The following CERKL variants were observed in gnomAD, a reference collection of about 807,000 sequenced individuals.
CERKL encodes the protein CERK like autophagy regulator.
In CERKL, 61 loss-of-function variants were observed where a neutral mutation model predicts 63.4. The ratio of observed to expected loss-of-function variants is 0.96; its 90% CI spans 0.78 to 1.19. CERKL has a LOEUF of 1.19. Among genes scored for constraint, CERKL ranks in the 50% most tolerant of loss-of-function variants. The pLI is 0.00. For synonymous variants in CERKL, 250 were observed against 230.5 expected (o/e 1.08, Z -0.77); for missense variants, 675 against 655.5 (o/e 1.03, Z -0.33).
intron 1 of CERKL, among the ~76,000 whole-genome samples, chr2:181,635,327 A>G (rs1381890019): frequency 1.3e-5 from 2 of 152,182 alleles, no homozygotes; most frequent in African/African-American, 4.8e-5. Context: ...AAAATGCTAA[A>G]TTTAAAAAAT....
At chr2:181,639,191 C>T (rs1222549502) in intron 1 of CERKL, among the ~76,000 whole-genome samples, 1 of 152,008 alleles carries the variant, frequency 6.6e-6, no homozygotes, top group Non-Finnish European at 1.5e-5. Flanking sequence ...TCTTTATCTC[C>T]TAGAGATACA....
chr2:181,564,432 T>C (rs965920335), intron 4 of CERKL, among the ~76,000 whole-genome samples: 11 of 152,230 alleles, frequency 7.2e-5, no homozygotes, highest in Admixed American at 3.9e-4. Context: ...GTTTATAAAA[T>C]ATAATAACTG....
At position 181,614,045 on chromosome 2, in the gene CERKL, G is replaced by T. The variant is rs1229592545; in HGVS notation, c.239-9966C>A. On this transcript the variant is annotated intron_variant, in intron 1 of 12. Coordinates refer to ENST00000410087, the MANE Select transcript of CERKL (RefSeq NM_201548.5). ...CTAAATATTGTTTAATGAGTTATCA[G>T]ATTAGATGGTGCTTTGCTATGTCTT... Among the ~76,000 whole-genome samples the T allele has an allele frequency of 2.0e-5, 3 of 152,304 alleles. No individual in the cohort carries two copies. The East Asian group carries it at 5.8e-4, about 29-fold the overall frequency.
At position 181,537,259 on chromosome 2, in the gene CERKL, T is replaced by C. The variant is rs923883479; in HGVS notation, c.*925A>G. On this transcript the variant is annotated 3_prime_UTR_variant, in exon 13 of 13. Transcript: ENST00000410087. ...TCTAAGGAAATTTACATTTGGTTCT[T>C]TCCTACTCAGAACTACTCAGAAACA... 1.3e-5 allele frequency: 6 copies of C among 453,768 alleles called. No homozygotes were observed. The highest frequency in any genetic ancestry group is 1.2e-4 in the African/African-American group (6 of 49,982). The allele number at this position is 453,768 out of a possible 1,614,324, so 28.1% of individuals were successfully genotyped here.
intron 2 of CERKL, among the ~76,000 whole-genome samples, chr2:181,590,398 C>T (rs1190196680): frequency 6.6e-6 from 1 of 151,864 alleles, no homozygotes; most frequent in Non-Finnish European, 1.5e-5. Flanking sequence ...CCTCAGCCTT[C>T]CAAAGTGCTG....
At chr2:181,557,268 G>T (rs1161693177) in intron 5 of CERKL, among the ~76,000 whole-genome samples, 1 of 152,056 alleles carries the variant, frequency 6.6e-6, no homozygotes, top group Non-Finnish European at 1.5e-5. Context: ...GTCAATTTTG[G>T]CTTTTGTTGC....
intron 1 of CERKL, among the ~76,000 whole-genome samples, chr2:181,635,194 T>C (rs1687120134): frequency 6.6e-6 from 1 of 152,046 alleles, no homozygotes; most frequent in Non-Finnish European, 1.5e-5. Context: ...AGCTCACCCA[T>C]GAGATATTTC....
chr2:181,650,569 A>T (rs769102646), intron 1 of CERKL, among the ~76,000 whole-genome samples: 6 of 151,908 alleles, frequency 3.9e-5, no homozygotes, highest in Non-Finnish European at 8.8e-5. Context: ...GACCAGCCTG[A>T]CCAACATGGA....
chr2:181,583,438 C>T (rs977410441), intron 2 of CERKL, among the ~76,000 whole-genome samples: 3 of 152,152 alleles, frequency 2.0e-5, no homozygotes, highest in African/African-American at 4.8e-5. Flanking sequence ...AGCACTAGAA[C>T]TTATGAAGTA....
intron 6 of CERKL, 106 bp downstream of exon 6, chr2:181,549,528 G>C: frequency 1.1e-6 from 1 of 896,652 alleles, no homozygotes; most frequent in Non-Finnish European, 1.9e-6. Context: ...TACTCTAAGA[G>C]ACAAAGAACC....
chr2:181,619,612 C>T (rs1686361286), intron 1 of CERKL, among the ~76,000 whole-genome samples: 1 of 152,208 alleles, frequency 6.6e-6, no homozygotes, highest in African/African-American at 2.4e-5. Context: ...ATCCCTTAAT[C>T]ACACTGTATA....
At chr2:181,636,058 AG>A (rs1416648749) in intron 1 of CERKL, among the ~76,000 whole-genome samples, 2 of 152,214 alleles carry the variant, frequency 1.3e-5, no homozygotes, top group Admixed American at 6.5e-5. Flanking sequence ...TAGGCTTAAA[AG>A]GGTTCAACTT....
At position 181,537,150 on chromosome 2, in the gene CERKL, G is replaced by T; in HGVS notation, c.*1034C>A. ...AAAAAACTTTGTATCGTTATAAAAA[G>T]GCTAGTCATTCTTTCAGGAGAACAT... On this transcript the variant is annotated 3_prime_UTR_variant, in exon 13 of 13. Transcript: ENST00000410087. 2.2e-6 allele frequency: 1 copy of T among 453,816 alleles called. No homozygotes were observed. 28.1% of individuals were successfully genotyped at this position (453,816 alleles called of 1,614,324 possible).
intron 11 of CERKL, 22 bp from the exon 12 acceptor site, chr2:181,539,286 C>A: frequency 6.8e-7 from 1 of 1,477,184 alleles, no homozygotes; most frequent in South Asian, 1.1e-5. Context: ...TACAAATAAT[C>A]ATTATACTTG....
chr2:181,629,305 G>A (rs1559113964), intron 1 of CERKL, among the ~76,000 whole-genome samples: 2 of 152,252 alleles, frequency 1.3e-5, no homozygotes, highest in East Asian at 1.9e-4. Flanking sequence ...TTCCTCTCAG[G>A]AACACAGTGG....
rs959468111 is a variant in CERKL, at chr2:181,637,453, A to C, written c.238+19316T>G. ...TTTTGATGCTGATGTAAAGCGCTAC[A>C]GAGTGAACTTCTGGGCATATTGCTA... On this transcript the variant is annotated intron_variant, in intron 1 of 12. Coordinates refer to ENST00000410087, the MANE Select transcript of CERKL (RefSeq NM_201548.5). 2.6e-5 allele frequency among the ~76,000 whole-genome samples: 4 copies of C among 152,356 alleles called. No homozygotes were observed. The South Asian group carries it at 6.2e-4, about 24-fold the overall frequency.
At chr2:181,560,290 C>A (rs904135426) in intron 4 of CERKL, among the ~76,000 whole-genome samples, 1 of 152,122 alleles carries the variant, frequency 6.6e-6, no homozygotes, top group Non-Finnish European at 1.5e-5. Context: ...AATTTAGCAC[C>A]AAATAACTTG....
At chr2:181,584,553 G>A (rs1684677523) in intron 2 of CERKL, among the ~76,000 whole-genome samples, 1 of 151,950 alleles carries the variant, frequency 6.6e-6, no homozygotes, top group Admixed American at 6.6e-5. Context: ...GTTGGTAAAT[G>A]ACATGTCTCT....
At chr2:181,628,892 T>A (rs1019913650) in intron 1 of CERKL, among the ~76,000 whole-genome samples, 1 of 152,152 alleles carries the variant, frequency 6.6e-6, no homozygotes, top group Admixed American at 6.6e-5. Context: ...TTATGCTGGG[T>A]ACAACATCTG....
Sources: gnomAD v4.1 joint callset for allele counts (sites outside exome capture counted in the v4.1 genomes callset) on GRCh38, gnomAD v4.1.1 for gene constraint, MANE v1.5 for transcripts, NCBI Gene and HGNC (gene_info 2026-07-23, HGNC 2026-07-21) for gene names.